Variants in CADPS observed in about 807,000 individuals in gnomAD.
CADPS encodes calcium-dependent secretion activator 1.
CADPS carries 57 observed loss-of-function variants against 167.3 expected under a neutral mutation model. That is an observed-to-expected ratio of 0.34 (90% CI 0.28 to 0.42). The LOEUF is 0.42. Ranked by LOEUF, CADPS falls within the 20% of genes least tolerant of loss-of-function variation. The probability of loss-of-function intolerance (pLI) is 1.00; values close to 1 mark genes in which losing one functional copy is unlikely to be tolerated. For missense variants in CADPS, 1,414 were observed against 1,738.1 expected (o/e 0.81, Z 3.32); for synonymous variants, 676 against 635.3 (o/e 1.06, Z -0.96).
intron 22 of CADPS, among the ~76,000 whole-genome samples, chr3:62,479,368 C>T (rs1560969284): frequency 1.3e-5 from 2 of 152,218 alleles, no homozygotes; most frequent in African/African-American, 4.8e-5. Flanking sequence ...CTCCCCCCCA[C>T]CCACTTCCTC....
chr3:62,690,756 A>T (rs2078959259), intron 3 of CADPS, among the ~76,000 whole-genome samples: 1 of 151,886 alleles, frequency 6.6e-6, no homozygotes, highest in African/African-American at 2.4e-5. Context: ...CTACTCACAG[A>T]ATTTCTTAAA....
chr3:62,493,761 A>T (rs548159550), intron 18 of CADPS, 96 bp from the exon 19 acceptor site: 1 of 1,022,184 alleles, frequency 9.8e-7, no homozygotes, highest in Non-Finnish European at 1.5e-6. Context: ...ATTTTAATTT[A>T]CAGTAAAACC....
intron 21 of CADPS, among the ~76,000 whole-genome samples, chr3:62,484,136 G>A (rs1223957666): frequency 1.3e-5 from 2 of 152,058 alleles, no homozygotes; most frequent in African/African-American, 4.8e-5. Context: ...TGGACTCATA[G>A]AAACATTTCC....
At chr3:62,608,871 T>C (rs1174431657) in intron 6 of CADPS, among the ~76,000 whole-genome samples, 2 of 152,180 alleles carry the variant, frequency 1.3e-5, no homozygotes, top group East Asian at 3.9e-4. Context: ...TTTCCTTGAA[T>C]GCCAACTTGT....
intron 2 of CADPS, among the ~76,000 whole-genome samples, chr3:62,754,855 A>G (rs191184733): frequency 3.0e-4 from 45 of 152,312 alleles, no homozygotes; most frequent in Non-Finnish European, 1.2e-4. Context: ...ATTAACCACT[A>G]TTTGTACCTC....
At chr3:62,637,774 T>C (rs999928552) in intron 6 of CADPS, among the ~76,000 whole-genome samples, 1 of 152,314 alleles carries the variant, frequency 6.6e-6, no homozygotes, top group South Asian at 2.1e-4. Flanking sequence ...GGCTTAGCTA[T>C]TGTATCTGCA....
chr3:62,739,676 C>T (rs762565525), intron 3 of CADPS, among the ~76,000 whole-genome samples: 22 of 152,180 alleles, frequency 1.4e-4, no homozygotes, highest in South Asian at 2.1e-4. Flanking sequence ...AGTTCCTTTA[C>T]CTCAGCCAAC....
chr3:62,451,163 C>T (rs773895901), intron 26 of CADPS, among the ~76,000 whole-genome samples: 1 of 152,044 alleles, frequency 6.6e-6, no homozygotes, highest in Non-Finnish European at 1.5e-5. Flanking sequence ...CTAATTACCT[C>T]GACCCTCCAC....
intron 1 of CADPS, among the ~76,000 whole-genome samples, chr3:62,771,530 G>T (rs921777705): frequency 6.6e-6 from 1 of 152,050 alleles, no homozygotes; most frequent in African/African-American, 2.4e-5. Flanking sequence ...GAAATAATTG[G>T]CCCAGAGTAG....
chr3:62,831,511 A>G (rs183175576), intron 1 of CADPS, among the ~76,000 whole-genome samples: 1 of 152,180 alleles, frequency 6.6e-6, no homozygotes, highest in African/African-American at 2.4e-5. Flanking sequence ...CCATTACCAA[A>G]TTACTGCGAG....
At chr3:62,800,819 C>T (rs766260755) in intron 1 of CADPS, among the ~76,000 whole-genome samples, 2 of 152,036 alleles carry the variant, frequency 1.3e-5, no homozygotes, top group Non-Finnish European at 2.9e-5. Context: ...AAACATCTTT[C>T]CCAGAAAACG....
intron 1 of CADPS, among the ~76,000 whole-genome samples, chr3:62,828,216 G>A (rs890585357): frequency 6.6e-6 from 1 of 152,160 alleles, no homozygotes. Flanking sequence ...ACATGGTGCA[G>A]GTAAGAGGGT....
intron 1 of CADPS, among the ~76,000 whole-genome samples, chr3:62,789,100 G>C (rs2092714035): frequency 6.6e-6 from 1 of 152,156 alleles, no homozygotes; most frequent in Non-Finnish European, 1.5e-5. Context: ...TCAAAGCACT[G>C]AGCAGAACTG....
At chr3:62,763,399 A>G (rs1217309694) in intron 2 of CADPS, among the ~76,000 whole-genome samples, 1 of 152,188 alleles carries the variant, frequency 6.6e-6, no homozygotes, top group Admixed American at 6.5e-5. Context: ...GGGGGAAGAT[A>G]CCCATCCCGC....
chr3:62,521,414 G>A (rs1414243612), intron 13 of CADPS, among the ~76,000 whole-genome samples: 1 of 152,150 alleles, frequency 6.6e-6, no homozygotes, highest in African/African-American at 2.4e-5. Flanking sequence ...TCCAAGTAGT[G>A]CTGGTTGCAA....
At chr3:62,435,601 G>C (rs1575998629) in intron 28 of CADPS, among the ~76,000 whole-genome samples, 1 of 152,084 alleles carries the variant, frequency 6.6e-6, no homozygotes, top group Non-Finnish European at 1.5e-5. Context: ...TAGGAGATCA[G>C]GTTATTTAGA....
chr3:62,421,204 A>G lies in CADPS; in HGVS notation c.3777+16900T>C, dbSNP rs1347408675. 6.6e-6 allele frequency among the ~76,000 whole-genome samples: 1 copy of G among 152,108 alleles called. No individual in the cohort carries two copies. The highest frequency in any genetic ancestry group is 1.5e-5 in the Non-Finnish European group (1 of 68,022). On this transcript the variant is annotated intron_variant, in intron 28 of 29. Transcript: ENST00000383710. The surrounding 1 kb of genome is among the most constrained non-coding windows in gnomAD (Gnocchi z 4.7). ...CCCGGATCACTCTGCCTTGCCGTCA[A>G]TGCTTCTCGTCCACAAGGCTCCCTC...
chr3:62,420,178 G>GTATACCATATAT lies in CADPS; in HGVS notation c.3778-16994_3778-16993insATATATGGTATA, dbSNP rs2051001267. Among the ~76,000 whole-genome samples the GTATACCATATAT allele has an allele frequency of 6.6e-6, 1 of 152,076 alleles. No homozygotes were observed. Among genetic ancestry groups the GTATACCATATAT allele is most frequent in the African/African-American group, 2.4e-5 (1 of 41,408 alleles). ...CTGGTTTCCAAGCAGATAGTGAAAG[G>GTATACCATATAT]ACACAAATATACCATCTAAAAGGTA... On this transcript the variant is annotated intron_variant, in intron 28 of 29. Transcript: ENST00000383710. This position sits in a 1 kb window ranked among gnomAD's most constrained non-coding sequence, Gnocchi z 4.1.
chr3:62,487,695 T>C (rs951483078), intron 21 of CADPS, among the ~76,000 whole-genome samples: 26 of 152,376 alleles, frequency 1.7e-4, no homozygotes, highest in African/African-American at 5.8e-4. Context: ...TCAGCCATTT[T>C]ACCCTTTCCG....
Sources: gnomAD v4.1 joint callset for allele counts (sites outside exome capture counted in the v4.1 genomes callset) on GRCh38, gnomAD v4.1.1 for gene constraint, Gnocchi (gnomAD v3.1) non-coding constraint, MANE v1.5 for transcripts, NCBI Gene and HGNC (gene_info 2026-07-23, HGNC 2026-07-21) for gene names.